Variants in RYR3 observed in about 807,000 individuals in gnomAD.
RYR3 encodes the protein brain ryanodine receptor-calcium release channel.
RYR3 carries 207 observed loss-of-function variants against 584.3 expected under a neutral mutation model. That is an observed-to-expected ratio of 0.35 (90% CI 0.32 to 0.40). The LOEUF (loss-of-function observed/expected upper bound fraction) is 0.40, where lower values mean the gene tolerates loss of function less well. Among genes scored for constraint, RYR3 ranks in the 10% least tolerant of loss-of-function variants. The probability of loss-of-function intolerance (pLI) is 1.00; values close to 1 mark genes in which losing one functional copy is unlikely to be tolerated. For missense variants in RYR3, 5,616 were observed against 6,089.2 expected (o/e 0.92, Z 2.59); for synonymous variants, 2,416 against 2,248.5 (o/e 1.07, Z -2.11).
At chr15:33,473,312 T>C in intron 1 of RYR3, 107 bp from the exon 2 acceptor site, 1 of 1,286,806 alleles carries the variant, frequency 7.8e-7, no homozygotes, top group Non-Finnish European at 1.1e-6. Context: ...AAAAAGCACG[T>C]GGCTGTCAGG....
At chr15:33,401,282 T>A (rs1224554132) in intron 1 of RYR3, among the ~76,000 whole-genome samples, 1 of 152,220 alleles carries the variant, frequency 6.6e-6, no homozygotes, top group Admixed American at 6.5e-5. Flanking sequence ...TAGAGCACTT[T>A]TAACTTCTCA....
chr15:33,312,638 T>A (rs549406744), intron 1 of RYR3, among the ~76,000 whole-genome samples: 17 of 152,326 alleles, frequency 1.1e-4, no homozygotes, highest in Middle Eastern at 3.4e-3. Flanking sequence ...AGGTTTTTTC[T>A]GCCTTGTGTC....
chr15:33,340,799 A>G (rs964513686), intron 1 of RYR3, among the ~76,000 whole-genome samples: 2 of 152,184 alleles, frequency 1.3e-5, no homozygotes, highest in Admixed American at 6.5e-5. Context: ...GAATTTTGTC[A>G]GGAGACACAA....
At chr15:33,856,655 TTTG>T (rs1435344396) in intron 98 of RYR3, 5 of 57,676 alleles carry the variant, frequency 8.7e-5, no homozygotes, top group Non-Finnish European at 1.5e-4. Context: ...GGGTTTTTTG[TTTG>T]TTTGTTTGTT....
At chr15:33,669,534 G>A (rs2063692669) in intron 37 of RYR3, 78 bp downstream of exon 37, 32 of 1,225,868 alleles carry the variant, frequency 2.6e-5, no homozygotes, top group Non-Finnish European at 3.6e-5. Context: ...GAAAGCTAGT[G>A]GGAGGTTGGG....
chr15:33,461,498 C>G (rs1446741347), intron 1 of RYR3, among the ~76,000 whole-genome samples: 2 of 152,100 alleles, frequency 1.3e-5, no homozygotes, highest in Non-Finnish European at 2.9e-5. Context: ...TTTCTCCTAA[C>G]CATTATTTTA....
At chr15:33,593,938 TAAATGG>T (rs1309945986) in intron 16 of RYR3, among the ~76,000 whole-genome samples, 3 of 152,184 alleles carry the variant, frequency 2.0e-5, no homozygotes, top group African/African-American at 7.2e-5. Context: ...CATAGGCTTT[TAAATGG>T]GCTTTGATGG....
chr15:33,756,233 C>T (rs2071809350), intron 58 of RYR3, 73 bp from the exon 59 acceptor site: 1 of 994,436 alleles, frequency 1.0e-6, no homozygotes, highest in South Asian at 1.4e-5. Flanking sequence ...AAAAGCTGCT[C>T]TGTTTCTAAA....
intron 10 of RYR3, among the ~76,000 whole-genome samples, chr15:33,561,108 C>G (rs757139695): frequency 5.9e-5 from 9 of 152,230 alleles, no homozygotes; most frequent in Non-Finnish European, 1.3e-4. Flanking sequence ...TTACTCAGCT[C>G]TATATATTCT....
chr15:33,432,208 G>A (rs1319676532), intron 1 of RYR3, among the ~76,000 whole-genome samples: 3 of 152,162 alleles, frequency 2.0e-5, no homozygotes, highest in African/African-American at 7.2e-5. Context: ...AGCTTGTGAG[G>A]ATCATAAAAA....
At chr15:33,556,172 T>C (rs1225974485) in intron 10 of RYR3, among the ~76,000 whole-genome samples, 2 of 152,214 alleles carry the variant, frequency 1.3e-5, no homozygotes, top group African/African-American at 2.4e-5. Context: ...AGGTACTTTC[T>C]TGTCATCTGT....
intron 2 of RYR3, among the ~76,000 whole-genome samples, chr15:33,487,464 A>C (rs1206937031): frequency 6.6e-6 from 1 of 152,166 alleles, no homozygotes; most frequent in Non-Finnish European, 1.5e-5. Flanking sequence ...GGCATGTAGC[A>C]GATAGATGCT....
chr15:33,550,270 C>A lies in RYR3; in HGVS notation c.926C>A (p.Ala309Glu), dbSNP rs1439048896. Residue 309 changes from alanine to glutamate, a missense_variant, in exon 10 of 104, where the codon GCA becomes GAA. Ala to Glu is a moderately radical substitution (Grantham distance 107, BLOSUM62 -1). Coordinates refer to ENST00000634891, the MANE Select transcript of RYR3 (RefSeq NM_001036.6). ...CAAGGCCTTATACTGCAAGACCGGGCAAAGTCAGACACCAAGTCCACAGCT... is the reference window on the plus strand; with the variant it reads ...CAAGGCCTTATACTGCAAGACCGGGAAAAGTCAGACACCAAGTCCACAGCT... ...EDQGLILQDR[A>E]KSDTKSTAFS... is the part of the protein sequence containing the mutation. 6.2e-7 allele frequency: 1 copy of A among 1,613,458 alleles called. No homozygotes were observed. The highest frequency in any genetic ancestry group is 1.7e-5 in the Admixed American group (1 of 59,964).
At position 33,810,509 on chromosome 15, in the gene RYR3, A is replaced by G; in HGVS notation, c.10057A>G (p.Thr3353Ala). Residue 3353 changes from threonine (T) to alanine (A), a missense_variant, in exon 71 of 104, where the codon ACA (threonine) becomes GCA (alanine). This residue lies in a region of RYR3 where 954 missense variants were observed against 1,132.2 expected (regional missense o/e 0.84). Coordinates refer to ENST00000634891, the MANE Select transcript of RYR3 (RefSeq NM_001036.6). ...AGGACAAGACCAGGAGCGGAAGAAGACAAAGCGGCGGGGAGACTTGTATTC... is the reference window on the plus strand; with the variant it reads ...AGGACAAGACCAGGAGCGGAAGAAGGCAAAGCGGCGGGGAGACTTGTATTC... ...SGGQDQERKK[T>A]KRRGDLYSIQ... 4.3e-6 allele frequency: 7 copies of G among 1,614,016 alleles called. No homozygotes were observed. Among genetic ancestry groups the G allele is most frequent in the Non-Finnish European group, 5.1e-6 (6 of 1,179,884 alleles).
At chr15:33,490,424 G>A (rs1347394250) in intron 2 of RYR3, among the ~76,000 whole-genome samples, 1 of 152,138 alleles carries the variant, frequency 6.6e-6, no homozygotes, top group African/African-American at 2.4e-5. Flanking sequence ...TACATCCCAA[G>A]ATATTTCTAC....
chr15:33,854,513 A>C, intron 97 of RYR3, 64 bp downstream of exon 97: 1 of 1,360,820 alleles, frequency 7.3e-7, no homozygotes, highest in South Asian at 1.3e-5. Flanking sequence ...CAGAGAAGCA[A>C]GCTATGCAGG....
rs574887288 is a variant in RYR3, at chr15:33,515,923, G to A, written c.279+12185G>A. On this transcript the variant is annotated intron_variant, in intron 3 of 103. Coordinates refer to ENST00000634891, the MANE Select transcript of RYR3 (RefSeq NM_001036.6). ...GTGTGTGCATAATAGATACCACTTC[G>A]CACTTCCTCACATTTACACTTGTCT... Among the ~76,000 whole-genome samples the A allele has an allele frequency of 8.6e-5, 13 of 151,976 alleles. No individual in the cohort carries two copies. In the South Asian group the frequency reaches 1.3e-3, roughly 15 times the overall value.
At chr15:33,451,781 A>G (rs182235241) in intron 1 of RYR3, among the ~76,000 whole-genome samples, 90 of 152,346 alleles carry the variant, frequency 5.9e-4, no homozygotes, top group African/African-American at 1.9e-3. Flanking sequence ...AGTTTATAGG[A>G]TGCATCTTCA....
intron 1 of RYR3, among the ~76,000 whole-genome samples, chr15:33,389,595 A>T (rs1235328578): frequency 6.6e-6 from 1 of 152,254 alleles, no homozygotes; most frequent in Non-Finnish European, 1.5e-5. Context: ...CGCAGCAAGT[A>T]ATGTAATGGA....
Sources: gnomAD v4.1 joint callset for allele counts (sites outside exome capture counted in the v4.1 genomes callset) on GRCh38, gnomAD v4.1.1 for gene constraint, gnomAD v4.1.1 regional missense constraint, MANE v1.5 for transcripts, NCBI Gene and HGNC (gene_info 2026-07-23, HGNC 2026-07-21) for gene names.